Variants in PCDH9 observed in about 807,000 individuals in gnomAD.
The protein encoded by PCDH9 is protocadherin-9.
A neutral mutation model predicts 70.6 loss-of-function variants in PCDH9; 24 were observed. That is an observed-to-expected ratio of 0.34 (90% CI 0.25 to 0.48). The LOEUF is 0.48. Ranked by LOEUF, PCDH9 falls within the 20% of genes least tolerant of loss-of-function variation. PCDH9 has a pLI of 0.99. For missense variants in PCDH9, 1,281 were observed against 1,503.6 expected, an observed-to-expected ratio of 0.85 and a Z score of 2.45; for synonymous variants, 562 against 558.5, an observed-to-expected ratio of 1.01 and a Z score of -0.09.
rs545606753 is a variant in PCDH9 at position 67,168,572 on chromosome 13, A to T, written c.3036+56833T>A. Among the ~76,000 whole-genome samples the T allele has an allele frequency of 8.2e-4, 85 of 104,110 alleles. No homozygotes were observed. The South Asian group carries it at 0.023, about 28-fold the overall frequency. 68.3% of individuals were successfully genotyped at this position (104,110 alleles called of 152,430 possible). A position where few individuals can be genotyped will look rare whatever the true frequency, so the allele number is the denominator to read the frequency against. On this transcript the variant is annotated intron_variant, in intron 2 of 4. Transcript: ENST00000377865. ...TGAGACCCCATTTCTACAAAATGTTAAAAAAAAAAATTAGCCAGGCATGGT... is the reference window on the plus strand; with the variant it reads ...TGAGACCCCATTTCTACAAAATGTTTAAAAAAAAAATTAGCCAGGCATGGT...
intron 2 of PCDH9, among the ~76,000 whole-genome samples, chr13:67,154,493 T>C (rs140185551): frequency 4.5e-4 from 67 of 149,668 alleles, no homozygotes; most frequent in African/African-American, 1.5e-3. Flanking sequence ...AGGAGGATGA[T>C]TTGAGCCTGG....
intron 3 of PCDH9, among the ~76,000 whole-genome samples, chr13:66,875,545 A>C (rs1425510766): frequency 1.3e-5 from 2 of 152,124 alleles, no homozygotes; most frequent in East Asian, 3.9e-4. Flanking sequence ...TCTTTTCTAC[A>C]CGAGAGAGTT....
At chr13:66,920,606 A>G (rs2082622855) in intron 2 of PCDH9, among the ~76,000 whole-genome samples, 1 of 151,246 alleles carries the variant, frequency 6.6e-6, no homozygotes, top group South Asian at 2.1e-4. Context: ...ACAATTCATC[A>G]TCTTTTCACA....
rs371312554 is a variant in PCDH9 at position 66,902,481 on chromosome 13, A to G, written c.3138+1023T>C. Among the ~76,000 whole-genome samples the G allele has an allele frequency of 5.1e-4, 78 of 151,688 alleles. No homozygotes were observed. In the South Asian group the frequency reaches 0.016, roughly 31 times the overall value. On this transcript the variant is annotated intron_variant, in intron 3 of 4. Transcript: ENST00000377865. Reference sequence around the variant, plus strand: ...TTAGATGGCAAAAGCAATAATTATTACAATTTTTTTTTTACTAATCATGAT... The same window carrying G: ...TTAGATGGCAAAAGCAATAATTATTGCAATTTTTTTTTTACTAATCATGAT...
chr13:66,512,861 C>T (rs1437384740), intron 4 of PCDH9, among the ~76,000 whole-genome samples: 2 of 151,990 alleles, frequency 1.3e-5, no homozygotes, highest in South Asian at 4.2e-4. Flanking sequence ...CAAAGTCTTG[C>T]TCTGTTGCCC....
intron 3 of PCDH9, among the ~76,000 whole-genome samples, chr13:66,830,441 A>G (rs1178813868): frequency 6.6e-6 from 1 of 152,222 alleles, no homozygotes; most frequent in African/African-American, 2.4e-5. Flanking sequence ...CTCAACGTTA[A>G]TAAATATATT....
At chr13:66,600,121 G>A (rs757522521) in intron 4 of PCDH9, among the ~76,000 whole-genome samples, 7 of 151,742 alleles carry the variant, frequency 4.6e-5, no homozygotes, top group Admixed American at 2.0e-4. Flanking sequence ...TATGCATTCC[G>A]GAAATAGAAT....
At chr13:66,502,843 T>G (rs1248491402) in intron 4 of PCDH9, among the ~76,000 whole-genome samples, 2 of 152,174 alleles carry the variant, frequency 1.3e-5, no homozygotes, top group Non-Finnish European at 2.9e-5. Flanking sequence ...ATTTTGTTCT[T>G]ATGGCTTGTT....
intron 2 of PCDH9, among the ~76,000 whole-genome samples, chr13:66,963,262 GC>G (rs2083378168): frequency 6.6e-6 from 1 of 152,166 alleles, no homozygotes; most frequent in Non-Finnish European, 1.5e-5. Context: ...CCGGTTCATA[GC>G]CTTGGGGTTG....
chr13:66,994,476 G>T (rs559231529), intron 2 of PCDH9, among the ~76,000 whole-genome samples: 1 of 152,156 alleles, frequency 6.6e-6, no homozygotes, highest in African/African-American at 2.4e-5. Flanking sequence ...CAAAGCTGGT[G>T]GGTTTGGAGC....
chr13:67,109,031 T>C (rs2086603745), intron 2 of PCDH9, among the ~76,000 whole-genome samples: 1 of 152,202 alleles, frequency 6.6e-6, no homozygotes, highest in East Asian at 1.9e-4. Context: ...CTCAACACAG[T>C]ATCTGGAGAA....
chr13:66,988,456 A>G (rs1031065719), intron 2 of PCDH9, among the ~76,000 whole-genome samples: 2 of 152,018 alleles, frequency 1.3e-5, no homozygotes, highest in Non-Finnish European at 2.9e-5. Flanking sequence ...CATGTTTGTG[A>G]ATTTTACATT....
At chr13:66,630,938 T>C (rs1315996837) in intron 4 of PCDH9, among the ~76,000 whole-genome samples, 1 of 152,194 alleles carries the variant, frequency 6.6e-6, no homozygotes, top group African/African-American at 2.4e-5. Flanking sequence ...GACATCAGAA[T>C]ATCTTGCAAC....
At chr13:66,390,093 TA>T (rs1956991711) in intron 4 of PCDH9, among the ~76,000 whole-genome samples, 1 of 152,178 alleles carries the variant, frequency 6.6e-6, no homozygotes, top group South Asian at 2.1e-4. Context: ...TATTTGATAT[TA>T]AAAAATTGCT....
At chr13:66,457,063 T>A (rs930159766) in intron 4 of PCDH9, among the ~76,000 whole-genome samples, 2 of 152,128 alleles carry the variant, frequency 1.3e-5, no homozygotes, top group Non-Finnish European at 2.9e-5. Flanking sequence ...AGGGAGATGA[T>A]GTGAATTAAG....
chr13:67,194,763 T>C (rs2089014568), intron 2 of PCDH9, among the ~76,000 whole-genome samples: 1 of 152,164 alleles, frequency 6.6e-6, no homozygotes, highest in African/African-American at 2.4e-5. Context: ...TAATTTACTC[T>C]AGGAGAACTG....
chr13:66,581,199 T>C (rs952111166), intron 4 of PCDH9, among the ~76,000 whole-genome samples: 1 of 152,172 alleles, frequency 6.6e-6, no homozygotes, highest in Non-Finnish European at 1.5e-5. Context: ...AAATAGATTA[T>C]GTCTGAAAAA....
chr13:66,593,521 T>C (rs765317655), intron 4 of PCDH9, among the ~76,000 whole-genome samples: 61 of 151,718 alleles, frequency 4.0e-4, no homozygotes, highest in Non-Finnish European at 8.4e-4. Context: ...GAGTATATAT[T>C]ATTCTGTATA....
chr13:67,155,438 G>A (rs1023464074), intron 2 of PCDH9, among the ~76,000 whole-genome samples: 26 of 152,296 alleles, frequency 1.7e-4, no homozygotes, highest in African/African-American at 5.8e-4. Flanking sequence ...GAAAAGAGGT[G>A]TAGAAAACAA....
Sources: allele counts gnomAD v4.1 joint callset (sites outside exome capture counted in the v4.1 genomes callset), GRCh38; gene constraint gnomAD v4.1.1; transcripts MANE v1.5; gene names NCBI Gene and HGNC (gene_info 2026-07-23, HGNC 2026-07-21).